The following TRAF3 variants were observed in gnomAD, a reference collection of about 807,000 sequenced individuals.
TRAF3 encodes the protein TNF receptor-associated factor 3.
TRAF3 carries 13 observed loss-of-function variants against 62.3 expected under a neutral mutation model. That is an observed-to-expected ratio of 0.21 (90% CI 0.14 to 0.33). TRAF3 has a LOEUF of 0.33. Ranked by LOEUF, TRAF3 falls within the 10% of genes least tolerant of loss-of-function variation. TRAF3 has a pLI of 1.00. For synonymous variants in TRAF3, 269 were observed against 283.4 expected (o/e 0.95, Z 0.51); for missense variants, 440 against 741.8 (o/e 0.59, Z 4.73).
rs181242998 is a variant in TRAF3, at chr14:102,877,013, G to T, written c.570+488G>T. On this transcript the variant is annotated intron_variant, in intron 6 of 11. Transcript: ENST00000392745. ...AACTCATAGATAATCCATTCCACAG[G>T]CCTTCCACTCAATTCATAGATAATC... 3.0e-3 allele frequency among the ~76,000 whole-genome samples: 438 copies of T among 145,986 alleles called. 7 individuals carry two copies. The highest frequency in any genetic ancestry group is 0.011 in the African/African-American group (404 of 36,184).
chr14:102,805,335 T>C (rs1186331117), intron 1 of TRAF3, among the ~76,000 whole-genome samples: 1 of 152,216 alleles, frequency 6.6e-6, no homozygotes, highest in Non-Finnish European at 1.5e-5. Flanking sequence ...GGGAATCTGA[T>C]ACTAAAAATG....
intron 1 of TRAF3, among the ~76,000 whole-genome samples, chr14:102,790,724 T>C (rs1365648276): frequency 6.6e-6 from 1 of 152,160 alleles, no homozygotes; most frequent in Non-Finnish European, 1.5e-5. Flanking sequence ...GAGATTTGGA[T>C]GGGGACACAG....
At chr14:102,848,010 C>T (rs761619577) in intron 2 of TRAF3, among the ~76,000 whole-genome samples, 4 of 152,164 alleles carry the variant, frequency 2.6e-5, no homozygotes, top group South Asian at 2.1e-4. Context: ...CAAAATCTCT[C>T]GGCCCTACCC....
intron 6 of TRAF3, among the ~76,000 whole-genome samples, chr14:102,882,599 T>C (rs1215752276): frequency 2.0e-5 from 3 of 151,246 alleles, no homozygotes; most frequent in Non-Finnish European, 1.5e-5. Context: ...AACACCCTTA[T>C]TCTCATCCCC....
intron 1 of TRAF3, among the ~76,000 whole-genome samples, chr14:102,820,624 T>A (rs1399132182): frequency 7.6e-4 from 50 of 65,568 alleles, no homozygotes; most frequent in African/African-American, 1.8e-3. Context: ...ATTTTTTTTT[T>A]TTTTTTTTTT....
At chr14:102,794,116 G>C (rs1311687334) in intron 1 of TRAF3, among the ~76,000 whole-genome samples, 1 of 152,078 alleles carries the variant, frequency 6.6e-6, no homozygotes, top group East Asian at 1.9e-4. Context: ...TGACAACTCA[G>C]AACTCTTAGA....
At chr14:102,861,442 T>C (rs933083719) in intron 2 of TRAF3, among the ~76,000 whole-genome samples, 2 of 152,168 alleles carry the variant, frequency 1.3e-5, no homozygotes, top group African/African-American at 4.8e-5. Flanking sequence ...TGCCTTTTAT[T>C]AACAGGCACC....
At chr14:102,804,263 G>C (rs1246432501) in intron 1 of TRAF3, among the ~76,000 whole-genome samples, 3 of 151,968 alleles carry the variant, frequency 2.0e-5, no homozygotes, top group Admixed American at 1.3e-4. Context: ...CCTTTTCTCT[G>C]TAGAGACTTA....
intron 1 of TRAF3, among the ~76,000 whole-genome samples, chr14:102,823,072 A>G (rs2139589711): frequency 6.6e-6 from 1 of 151,812 alleles, no homozygotes; most frequent in Non-Finnish European, 1.5e-5. Context: ...GATTGTGCTT[A>G]TGTTACCACA....
chr14:102,876,277 C>G, intron 5 of TRAF3, 81 bp from the exon 6 acceptor site: 1 of 1,489,864 alleles, frequency 6.7e-7, no homozygotes, highest in Non-Finnish European at 9.3e-7. Context: ...TTTAGGGTTT[C>G]ATTGCATAGA....
Position 102,777,501 on chromosome 14 carries a change from G to A in TRAF3, c.-331G>A, listed in dbSNP as rs1897057349. On this transcript the variant is annotated 5_prime_UTR_variant, in exon 1 of 12. In the 5' UTR this introduces an upstream ATG that the reference lacks. Coordinates refer to ENST00000392745, the MANE Select transcript of TRAF3 (RefSeq NM_145725.3). ...CGAGGGAGCGCGGCGCGGCCGCCGCGTGCGCGAGCCGGGGTTGCAGCCCAG... is the reference window on the plus strand; with the variant it reads ...CGAGGGAGCGCGGCGCGGCCGCCGCATGCGCGAGCCGGGGTTGCAGCCCAG... The A allele has an allele frequency of 6.9e-6, 1 of 144,312 alleles. No individual in the cohort carries two copies. Among genetic ancestry groups the A allele is most frequent in the African/African-American group, 2.5e-5 (1 of 40,162 alleles). 8.9% of individuals were successfully genotyped at this position (144,312 alleles called of 1,614,324 possible).
intron 1 of TRAF3, among the ~76,000 whole-genome samples, chr14:102,789,547 A>G (rs1051105578): frequency 2.0e-5 from 3 of 151,988 alleles, no homozygotes; most frequent in Non-Finnish European, 4.4e-5. Context: ...CACCTCTCAC[A>G]CCTTCATTTG....
chr14:102,819,357 T>C (rs1318315489), intron 1 of TRAF3, among the ~76,000 whole-genome samples: 1 of 152,196 alleles, frequency 6.6e-6, no homozygotes, highest in African/African-American at 2.4e-5. Context: ...AGCTTGTGTT[T>C]GCCGTGTGAG....
intron 1 of TRAF3, among the ~76,000 whole-genome samples, chr14:102,784,286 G>A (rs978564178): frequency 7.1e-6 from 1 of 140,814 alleles, no homozygotes; most frequent in African/African-American, 2.8e-5. Context: ...GCAGTGGCAC[G>A]ATCTCGACTC....
intron 2 of TRAF3, among the ~76,000 whole-genome samples, chr14:102,833,260 C>T (rs552282615): frequency 6.6e-6 from 1 of 152,276 alleles, no homozygotes; most frequent in South Asian, 2.1e-4. Flanking sequence ...AGACGCTTTC[C>T]TTGAAGGTGG....
At chr14:102,863,905 G>A (rs956772619) in intron 2 of TRAF3, among the ~76,000 whole-genome samples, 1 of 152,136 alleles carries the variant, frequency 6.6e-6, no homozygotes, top group Non-Finnish European at 1.5e-5. Flanking sequence ...GCAGTTCTTT[G>A]CCGATGAGGC....
At chr14:102,825,404 G>T (rs1900244077) in intron 1 of TRAF3, among the ~76,000 whole-genome samples, 1 of 152,228 alleles carries the variant, frequency 6.6e-6, no homozygotes, top group Non-Finnish European at 1.5e-5. Flanking sequence ...GTCCTGTGGT[G>T]TGCTCCTTCT....
At chr14:102,820,594 ATATATATATATATATATATATTTTTT>A (rs1899862123) in intron 1 of TRAF3, among the ~76,000 whole-genome samples, 1 of 10,102 alleles carries the variant, frequency 9.9e-5, no homozygotes, top group East Asian at 5.9e-3. Flanking sequence ...ATATATATAT[ATATATATATATATATATATATTTTTT>A]TTTTTTTTTT....
chr14:102,870,280 G>C lies in TRAF3; in HGVS notation c.79G>C (p.Ala27Pro), dbSNP rs759772207. 3.0e-5 allele frequency: 49 copies of C among 1,614,096 alleles called. No homozygotes were observed. In the East Asian group the frequency reaches 1.1e-3, roughly 35 times the overall value. ...PPLKLHTDRSAGTPVFVPEQG... is the reference protein window; with the variant it reads ...PPLKLHTDRSPGTPVFVPEQG... The stretch of plus-strand genomic sequence containing the variant: ...GCTAAAGCTGCACACTGACCGCAGT[G>C]CTGGGACGCCAGTTTTTGTCCCTGA... Residue 27 changes from alanine (A) to proline (P), a missense_variant, in exon 3 of 12, where the codon GCT becomes CCT. This residue lies in a region of TRAF3 where 40 missense variants were observed against 38.3 expected (regional missense o/e 1.05). Transcript: ENST00000392745.
Sources: allele counts gnomAD v4.1 joint callset (sites outside exome capture counted in the v4.1 genomes callset), GRCh38; gene constraint gnomAD v4.1.1; regional missense constraint gnomAD v4.1.1; transcripts MANE v1.5; gene names NCBI Gene and HGNC (gene_info 2026-07-23, HGNC 2026-07-21).